PLA2G2C: variants seen among roughly 807,000 people sequenced by gnomAD.
The protein encoded by PLA2G2C is phospholipase A2 group IIC.
In PLA2G2C, 15 loss-of-function variants were observed where a neutral mutation model predicts 14.3. The ratio of observed to expected loss-of-function variants is 1.05; its 90% CI spans 0.70 to 1.62. The LOEUF is 1.62. PLA2G2C is among the 40% of genes most tolerant of loss of function. PLA2G2C has a pLI of 0.00. For missense variants in PLA2G2C, 162 were observed against 173.2 expected, an observed-to-expected ratio of 0.94 and a Z score of 0.36; for synonymous variants, 79 against 67.7, an observed-to-expected ratio of 1.17 and a Z score of -0.82.
intron 3 of PLA2G2C, 140 bp downstream of exon 3, chr1:20,174,867 C>T (rs927947400): frequency 1.1e-6 from 1 of 898,264 alleles, no homozygotes; most frequent in Admixed American, 3.0e-5. Flanking sequence ...TCCTCCAAAT[C>T]CCGTTCAGTT....
At chr1:20,179,346 G>A (rs1355210789) in intron 1 of PLA2G2C, among the ~76,000 whole-genome samples, 1 of 151,320 alleles carries the variant, frequency 6.6e-6, no homozygotes, top group Non-Finnish European at 1.5e-5. Context: ...CTCCCTTTAT[G>A]TTGGGCTCTG....
At chr1:20,182,090 T>C (rs548082500) in intron 1 of PLA2G2C, among the ~76,000 whole-genome samples, 17 of 152,240 alleles carry the variant, frequency 1.1e-4, no homozygotes, top group African/African-American at 2.6e-4. Context: ...TGAGTTACAG[T>C]GTTTGATGTG....
intron 4 of PLA2G2C, among the ~76,000 whole-genome samples, chr1:20,171,847 C>T (rs1021575709): frequency 4.7e-5 from 7 of 149,756 alleles, no homozygotes; most frequent in African/African-American, 1.2e-4. Flanking sequence ...CTGCAAGCTC[C>T]GCCTCCCGGG....
chr1:20,177,929 C>T (rs969055470), intron 1 of PLA2G2C, among the ~76,000 whole-genome samples: 56 of 152,100 alleles, frequency 3.7e-4, no homozygotes, highest in African/African-American at 1.3e-3. Context: ...TAATTTCAAG[C>T]CTTTATTTTA....
chr1:20,172,943 G>A (rs1267074270), intron 3 of PLA2G2C, 46 bp from the exon 4 acceptor site: 1 of 1,457,640 alleles, frequency 6.9e-7, no homozygotes, highest in Admixed American at 1.7e-5. Context: ...CTTATCTGGG[G>A]ACTAGAAAGG....
chr1:20,163,959 T>C lies in PLA2G2C; in HGVS notation c.*32A>G. ...CCTGGAAGAGCAACACTAGAGCGGATGCTGGATGATGAGAGGGACCCTGTG... is the reference window on the plus strand; with the variant it reads ...CCTGGAAGAGCAACACTAGAGCGGACGCTGGATGATGAGAGGGACCCTGTG... On this transcript the variant is annotated 3_prime_UTR_variant, in exon 5 of 5. Transcript: ENST00000679259. The C allele has an allele frequency of 1.3e-6, 2 of 1,597,794 alleles. No individual in the cohort carries two copies. Among genetic ancestry groups the C allele is most frequent in the Non-Finnish European group, 1.7e-6 (2 of 1,171,706 alleles).
intron 4 of PLA2G2C, among the ~76,000 whole-genome samples, chr1:20,166,826 C>G (rs1335468430): frequency 6.6e-6 from 1 of 152,214 alleles, no homozygotes; most frequent in Non-Finnish European, 1.5e-5. Context: ...CCTTCCAGAA[C>G]TGATCTGGAG....
At chr1:20,185,858 GAA>G (rs1175124483) in intron 1 of PLA2G2C, among the ~76,000 whole-genome samples, 1 of 152,212 alleles carries the variant, frequency 6.6e-6, no homozygotes. Flanking sequence ...CCCCCAGAGA[GAA>G]ACAGAGGCGG....
At chr1:20,164,222 G>A in intron 4 of PLA2G2C, 65 bp from the exon 5 acceptor site, 1 of 1,495,122 alleles carries the variant, frequency 6.7e-7, no homozygotes, top group Non-Finnish European at 9.0e-7. Flanking sequence ...TCTAAGGCTG[G>A]GGAGAACTGG....
intron 4 of PLA2G2C, among the ~76,000 whole-genome samples, chr1:20,166,826 CTGATCTGGAGCAGCAG>C (rs1205171729): frequency 6.6e-6 from 1 of 152,214 alleles, no homozygotes; most frequent in Non-Finnish European, 1.5e-5. Flanking sequence ...CCTTCCAGAA[CTGATCTGGAGCAGCAG>C]TCTTTTGCAG....
At position 20,179,298 on chromosome 1, in the gene PLA2G2C, G is replaced by A. The variant is rs558760541; in HGVS notation, c.-76-1859C>T. On this transcript the variant is annotated intron_variant, in intron 1 of 4. Transcript: ENST00000679259. ...TCAGTTTCTGTGTGTGTGTGTGCGCGCGCACGTGCGTGCTAGCTTGTTCCT... is the reference window on the plus strand; with the variant it reads ...TCAGTTTCTGTGTGTGTGTGTGCGCACGCACGTGCGTGCTAGCTTGTTCCT... Among the ~76,000 whole-genome samples the A allele has an allele frequency of 1.7e-4, 25 of 149,788 alleles. No homozygotes were observed. The South Asian group carries it at 2.3e-3, about 14-fold the overall frequency.
At chr1:20,176,067 G>T (rs1569934543) in intron 2 of PLA2G2C, among the ~76,000 whole-genome samples, 1 of 151,980 alleles carries the variant, frequency 6.6e-6, no homozygotes, top group Admixed American at 6.5e-5. Context: ...CCACTGCCAT[G>T]CTTGACTAAT....
chr1:20,169,797 T>C (rs2018038282), intron 4 of PLA2G2C, among the ~76,000 whole-genome samples: 1 of 152,190 alleles, frequency 6.6e-6, no homozygotes, highest in Admixed American at 6.5e-5. Context: ...GAGCTGGAAT[T>C]AGACCCAGTG....
Position 20,163,148 on chromosome 1 carries a change from G to T in PLA2G2C, c.*843C>A, listed in dbSNP as rs932064497. 2.6e-5 allele frequency: 4 copies of T among 152,226 alleles called. No homozygotes were observed. The highest frequency in any genetic ancestry group is 9.6e-5 in the African/African-American group (4 of 41,454). The allele number at this position is 152,226 out of a possible 1,614,324, so 9.4% of individuals were successfully genotyped here. On this transcript the variant is annotated 3_prime_UTR_variant, in exon 5 of 5. Coordinates refer to ENST00000679259, the MANE Select transcript of PLA2G2C (RefSeq NM_001367969.2). ...GGACAGTTGTTTTGGTCTCAGCCAGGTTCCCTCACACATCTGTAGTCAGCT... is the reference window on the plus strand; with the variant it reads ...GGACAGTTGTTTTGGTCTCAGCCAGTTTCCCTCACACATCTGTAGTCAGCT...
intron 1 of PLA2G2C, among the ~76,000 whole-genome samples, chr1:20,178,328 G>A (rs534866514): frequency 1.3e-3 from 205 of 152,330 alleles, no homozygotes; most frequent in African/African-American, 4.8e-3. Flanking sequence ...AGGACTTGGA[G>A]TGTGAAACAA....
intron 4 of PLA2G2C, among the ~76,000 whole-genome samples, chr1:20,170,419 A>G (rs1346547231): frequency 6.6e-6 from 1 of 152,158 alleles, no homozygotes; most frequent in Non-Finnish European, 1.5e-5. Context: ...GAGTTTCCAC[A>G]AGACTGTGAA....
At chr1:20,176,149 C>T (rs1396665635) in intron 2 of PLA2G2C, among the ~76,000 whole-genome samples, 1 of 152,110 alleles carries the variant, frequency 6.6e-6, no homozygotes, top group Non-Finnish European at 1.5e-5. Context: ...GAACTCCTGA[C>T]CTCAGGTGAT....
rs915628282 is a variant in PLA2G2C at position 20,169,580 on chromosome 1, T to C, written c.283+3214A>G. ...GAAACAGTAATAAAGAAAATCCCAG[T>C]GCCGTAAGCAAAGAGGAAAAGAAAA... On this transcript the variant is annotated intron_variant, in intron 4 of 4. Transcript: ENST00000679259. Among the ~76,000 whole-genome samples, 6 of 152,150 alleles carry C rather than the reference T, an allele frequency of 3.9e-5. No individual in the cohort carries two copies. The East Asian group carries it at 7.7e-4, about 20-fold the overall frequency.
chr1:20,170,870 C>T (rs2018062253), intron 4 of PLA2G2C, among the ~76,000 whole-genome samples: 1 of 141,672 alleles, frequency 7.1e-6, no homozygotes, highest in Non-Finnish European at 1.5e-5. Context: ...ACTTTCGGGT[C>T]CAACTCCCAG....
Sources: allele counts gnomAD v4.1 joint callset (sites outside exome capture counted in the v4.1 genomes callset), GRCh38; gene constraint gnomAD v4.1.1; transcripts MANE v1.5; gene names NCBI Gene and HGNC (gene_info 2026-07-23, HGNC 2026-07-21).